MTUS2: variants seen among roughly 807,000 people sequenced by gnomAD.
MTUS2 encodes microtubule associated scaffold protein 2, also known as microtubule-associated tumor suppressor candidate 2.
Under a neutral mutation model 114.1 loss-of-function variants are expected in MTUS2, and 40 were observed. That is an observed-to-expected ratio of 0.35 (90% CI 0.27 to 0.46). The LOEUF (loss-of-function observed/expected upper bound fraction) is 0.46, where lower values mean the gene tolerates loss of function less well. MTUS2 is among the 20% of genes least tolerant of loss of function. MTUS2 has a pLI of 1.00. For missense variants in MTUS2, 1,679 were observed against 1,705.4 expected, an observed-to-expected ratio of 0.98 and a Z score of 0.27; for synonymous variants, 688 against 672.0, an observed-to-expected ratio of 1.02 and a Z score of -0.37.
intron 5 of MTUS2, among the ~76,000 whole-genome samples, chr13:29,151,749 T>A (rs1177830253): frequency 6.6e-6 from 1 of 152,138 alleles, no homozygotes; most frequent in Non-Finnish European, 1.5e-5. Flanking sequence ...ATAAAGGAAT[T>A]TTGGATTTTA....
At chr13:29,382,663 T>C (rs941780415) in intron 8 of MTUS2, among the ~76,000 whole-genome samples, 1 of 152,188 alleles carries the variant, frequency 6.6e-6, no homozygotes, top group Admixed American at 6.5e-5. Context: ...CAGCACATCT[T>C]GTCAACATTT....
rs59162969 is a variant in MTUS2 at position 28,933,118 on chromosome 13, A to AACACACAC, written c.-242-91301_-242-91294dup. On this transcript the variant is annotated intron_variant, in intron 2 of 15. Coordinates refer to ENST00000612955, the MANE Select transcript of MTUS2 (RefSeq NM_001033602.4). ...TAGTGTAGGTTCTCTGGAGAATCAGAACACACACACACACACACACACACA... is the reference window on the plus strand; with the variant it reads ...TAGTGTAGGTTCTCTGGAGAATCAGAACACACACACACACACACACACACACACACACA... 3.3e-3 allele frequency among the ~76,000 whole-genome samples: 477 copies of AACACACAC among 145,318 alleles called. 1 individual carries two copies. The highest frequency in any genetic ancestry group is 5.2e-3 in the Non-Finnish European group (344 of 66,314).
intron 8 of MTUS2, among the ~76,000 whole-genome samples, chr13:29,437,464 A>T (rs942159134): frequency 2.6e-5 from 4 of 152,208 alleles, no homozygotes; most frequent in African/African-American, 9.6e-5. Context: ...GCTCTCCAAA[A>T]TACCAAATTT....
chr13:29,033,568 T>A (rs1484004592), intron 3 of MTUS2, among the ~76,000 whole-genome samples: 1 of 152,114 alleles, frequency 6.6e-6, no homozygotes, highest in East Asian at 1.9e-4. Flanking sequence ...TTATTGACAT[T>A]TATAGTTTGG....
At chr13:29,483,423 C>A (rs1219406593) in intron 10 of MTUS2, among the ~76,000 whole-genome samples, 2 of 152,240 alleles carry the variant, frequency 1.3e-5, no homozygotes, top group Admixed American at 1.3e-4. Flanking sequence ...GGCTCTCTGC[C>A]CACGGCATGT....
At chr13:29,405,197 T>C (rs932331774) in intron 8 of MTUS2, among the ~76,000 whole-genome samples, 9 of 152,168 alleles carry the variant, frequency 5.9e-5, no homozygotes, top group African/African-American at 1.9e-4. Flanking sequence ...TTAATGTCCT[T>C]GGAGAATTTG....
chr13:29,208,535 T>A (rs1401333374), intron 5 of MTUS2, among the ~76,000 whole-genome samples: 15 of 151,980 alleles, frequency 9.9e-5, no homozygotes, highest in African/African-American at 3.4e-4. Flanking sequence ...CAGACTGTCC[T>A]CTTTCAACTT....
In MTUS2 at chr13:29,145,332, C is replaced by G. The variant is rs201638818; in HGVS notation, c.2644+44362C>G. On this transcript the variant is annotated intron_variant, in intron 5 of 15. Transcript: ENST00000612955. ...GTCAGAAGTTCAAGACCAGCCTGGC[C>G]GGGATGGTGAAACCCCATCTCTACT... is the stretch of plus-strand genomic sequence containing the variant. Among the ~76,000 whole-genome samples the G allele has an allele frequency of 9.2e-5, 14 of 152,050 alleles. 1 individual carries two copies. The East Asian group carries it at 2.7e-3, about 29-fold the overall frequency.
rs535405074 is a variant in MTUS2 at position 29,360,507 on chromosome 13, G to A, written c.3117+1034G>A. On this transcript the variant is annotated intron_variant, in intron 8 of 15. Transcript: ENST00000612955. ...AAGAGCCATTTATCAATCTGTTGTG[G>A]TATTAAATGACAAGATGAGTAGACA... Among the ~76,000 whole-genome samples, 4 of 152,194 alleles carry A rather than the reference G, an allele frequency of 2.6e-5. No homozygotes were observed. In the East Asian group the frequency reaches 5.8e-4, roughly 22 times the overall value.
intron 9 of MTUS2, among the ~76,000 whole-genome samples, chr13:29,442,271 T>C (rs1877944662): frequency 6.6e-6 from 1 of 152,098 alleles, no homozygotes; most frequent in South Asian, 2.1e-4. Flanking sequence ...CAAGGCCAAA[T>C]AAATACCTCC....
At position 28,908,234 on chromosome 13, in the gene MTUS2, G is replaced by T. The variant is rs186454019; in HGVS notation, c.-243+68384G>T. On this transcript the variant is annotated intron_variant, in intron 2 of 15. Transcript: ENST00000612955. The stretch of plus-strand genomic sequence containing the variant: ...TATACATGTGCCATGTTGTTGTGCT[G>T]CACCCAGTAACTTGTCATTTAACAT... Among the ~76,000 whole-genome samples, 10 of 151,518 alleles carry T rather than the reference G, an allele frequency of 6.6e-5. No homozygotes were observed. The South Asian group carries it at 1.9e-3, about 29-fold the overall frequency.
chr13:29,141,506 C>T (rs1344693504), intron 5 of MTUS2, among the ~76,000 whole-genome samples: 1 of 152,038 alleles, frequency 6.6e-6, no homozygotes, highest in Non-Finnish European at 1.5e-5. Context: ...CATAGGAGCC[C>T]CAGGAGATGG....
intron 4 of MTUS2, among the ~76,000 whole-genome samples, chr13:29,058,208 T>G (rs1888229509): frequency 6.6e-6 from 1 of 151,568 alleles, no homozygotes; most frequent in Admixed American, 6.6e-5. Context: ...CTTTAACATT[T>G]TTTTTTTTTT....
chr13:29,427,407 C>T (rs1321498552), intron 8 of MTUS2, among the ~76,000 whole-genome samples: 2 of 152,060 alleles, frequency 1.3e-5, no homozygotes, highest in South Asian at 2.1e-4. Flanking sequence ...CTGTTACCAA[C>T]GATGCTGAAT....
chr13:29,483,133 A>G (rs1881325034), intron 10 of MTUS2, among the ~76,000 whole-genome samples: 1 of 152,244 alleles, frequency 6.6e-6, no homozygotes. Context: ...CTAACCCCAC[A>G]GATAACGACA....
At chr13:29,166,209 G>A (rs1419234535) in intron 5 of MTUS2, among the ~76,000 whole-genome samples, 2 of 152,164 alleles carry the variant, frequency 1.3e-5, no homozygotes, top group Non-Finnish European at 2.9e-5. Context: ...GATTTTACAT[G>A]TATAATATTT....
At chr13:28,918,138 T>C (rs575564712) in intron 2 of MTUS2, among the ~76,000 whole-genome samples, 21 of 152,122 alleles carry the variant, frequency 1.4e-4, no homozygotes, top group African/African-American at 5.1e-4. Flanking sequence ...AGGAAAAGAA[T>C]ATGTATTCTG....
rs1285691656 is a variant in MTUS2, at chr13:29,325,471, G to A, written c.2905+760G>A. Among the ~76,000 whole-genome samples the A allele has an allele frequency of 1.1e-3, 103 of 92,290 alleles. 1 individual carries two copies. Among genetic ancestry groups the A allele is most frequent in the African/African-American group, 3.7e-3 (97 of 26,468 alleles). 60.5% of individuals were successfully genotyped at this position (92,290 alleles called of 152,430 possible). ...ACTTCATCTCAAAAAAAAAAAAAAA[G>A]AAAAGAAGAAGAGGAAGAGGGAGGA... On this transcript the variant is annotated intron_variant, in intron 7 of 15. Coordinates refer to ENST00000612955, the MANE Select transcript of MTUS2 (RefSeq NM_001033602.4).
intron 8 of MTUS2, among the ~76,000 whole-genome samples, chr13:29,429,082 C>T (rs1451126424): frequency 6.6e-6 from 1 of 152,232 alleles, no homozygotes; most frequent in Non-Finnish European, 1.5e-5. Flanking sequence ...CATTTGGTCT[C>T]ACATACTCTG....
Sources: gnomAD v4.1 joint callset for allele counts (sites outside exome capture counted in the v4.1 genomes callset) on GRCh38, gnomAD v4.1.1 for gene constraint, MANE v1.5 for transcripts, NCBI Gene and HGNC (gene_info 2026-07-23, HGNC 2026-07-21) for gene names.